Variants in IRF8 observed in about 807,000 individuals in gnomAD.
IRF8 encodes interferon regulatory factor 8.
IRF8 carries 14 observed loss-of-function variants against 48.7 expected under a neutral mutation model. That is an observed-to-expected ratio of 0.29 (90% CI 0.19 to 0.45). IRF8 has a LOEUF of 0.45. Among genes scored for constraint, IRF8 ranks in the 20% least tolerant of loss-of-function variants. The probability of loss-of-function intolerance (pLI) is 1.00; values close to 1 mark genes in which losing one functional copy is unlikely to be tolerated. For missense variants in IRF8, 493 were observed against 580.7 expected (o/e 0.85, Z 1.55); for synonymous variants, 278 against 227.3 (o/e 1.22, Z -2.01).
At chr16:85,914,654 G>C in intron 6 of IRF8, 134 bp downstream of exon 6, 1 of 986,976 alleles carries the variant, frequency 1.0e-6, no homozygotes. Context: ...CCAAGGATGA[G>C]CAGGACCTGG....
rs569033086 is a variant in IRF8 at position 85,904,028 on chromosome 16, C to A, written c.174+839C>A. 7.8e-4 allele frequency among the ~76,000 whole-genome samples: 119 copies of A among 152,320 alleles called. No individual in the cohort carries two copies. In the South Asian group the frequency reaches 0.015, roughly 19 times the overall value. ...CAGGAATTAGGGCAGCCCAGCTCTG[C>A]AGACCAGCTGGGCTATCGAATCCCT... On this transcript the variant is annotated intron_variant, in intron 2 of 8. Coordinates refer to ENST00000268638, the MANE Select transcript of IRF8 (RefSeq NM_002163.4).
intron 5 of IRF8, 49 bp downstream of exon 5, chr16:85,913,285 T>A: frequency 7.5e-7 from 1 of 1,332,248 alleles, no homozygotes; most frequent in Non-Finnish European, 1.1e-6. Flanking sequence ...CTGAAGGGTT[T>A]ACGGCATTCC....
chr16:85,907,884 A>G (rs183811316), intron 2 of IRF8, among the ~76,000 whole-genome samples: 128 of 152,270 alleles, frequency 8.4e-4, no homozygotes, highest in African/African-American at 2.9e-3. Flanking sequence ...GGAAGTGGGT[A>G]CAGCTGGCAT....
chr16:85,918,203 T>G (rs1286687540), intron 6 of IRF8: 3 of 579,330 alleles, frequency 5.2e-6, no homozygotes, highest in Non-Finnish European at 9.0e-6. Context: ...AGTTAATATG[T>G]TCAGTCATTG....
In IRF8 at chr16:85,909,183, C is replaced by T. The variant is rs1317307910; in HGVS notation, c.358+10C>T. 27 of 1,613,132 alleles carry T rather than the reference C, an allele frequency of 1.7e-5. No homozygotes were observed. Among genetic ancestry groups the T allele is most frequent in the Non-Finnish European group, 2.1e-5 (25 of 1,179,360 alleles). ...GAGGAAGAGCAAAAATGTAACTATC[C>T]TTTATGGGCATGAAACCTTCCAGAA... On this transcript the variant is annotated intron_variant, in intron 3 of 8. Transcript: ENST00000268638.
In IRF8 at chr16:85,921,496, T is replaced by G. The variant is rs1905569517; in HGVS notation, c.*214T>G. On this transcript the variant is annotated 3_prime_UTR_variant, in exon 9 of 9. Transcript: ENST00000268638. ...GATGTCGGTGATGGCCTGGATGCTG[T>G]AACCACAACCTGTGGCTAAAAATTT... The G allele has an allele frequency of 5.0e-6, 3 of 601,240 alleles. No homozygotes were observed. Among genetic ancestry groups the G allele is most frequent in the Non-Finnish European group, 8.9e-6 (3 of 337,014 alleles). 37.2% of individuals were successfully genotyped at this position (601,240 alleles called of 1,614,324 possible).
At chr16:85,910,810 C>T (rs440222) in intron 3 of IRF8, among the ~76,000 whole-genome samples, 6,210 of 152,246 alleles carry the variant, frequency 0.041, 428 homozygotes, top group African/African-American at 0.14. Flanking sequence ...TTTAATCTAT[C>T]GAAATGGAAT....
chr16:85,914,510 G>A lies in IRF8; in HGVS notation c.591G>A (p.Ala197=), dbSNP rs1469176664. The A allele has an allele frequency of 3.7e-6, 6 of 1,613,964 alleles. No individual in the cohort carries two copies. Among genetic ancestry groups the A allele is most frequent in the Middle Eastern group, 1.6e-4 (1 of 6,084 alleles). Residue 197 remains alanine, a synonymous_variant, in exon 6 of 9, where the codon GCG becomes GCA. Transcript: ENST00000268638. The part of the protein sequence containing the change: ...PLVTGYTTYD[A]HHSAFSQMVI... Reference sequence around the variant, plus strand: ...TGACGGGGTACACCACCTACGACGCGCACCATTCAGGTACGGGGTGGTCCG... The same window carrying A: ...TGACGGGGTACACCACCTACGACGCACACCATTCAGGTACGGGGTGGTCCG...
At position 85,915,758 on chromosome 16, in the gene IRF8, C is replaced by T. The variant is rs575860225; in HGVS notation, c.601+1238C>T. 3.3e-5 allele frequency among the ~76,000 whole-genome samples: 5 copies of T among 152,190 alleles called. No homozygotes were observed. In the East Asian group the frequency reaches 7.7e-4, roughly 24 times the overall value. ...TGGGAGTCTGCTGACCAGTGCTTTC[C>T]GGGGGCTGTGGAGTAGCCAGGCACA... On this transcript the variant is annotated intron_variant, in intron 6 of 8. Coordinates refer to ENST00000268638, the MANE Select transcript of IRF8 (RefSeq NM_002163.4).
Position 85,921,134 on chromosome 16 carries a change from C to T in IRF8, c.1133C>T (p.Ala378Val). Residue 378 changes from alanine to valine, a missense_variant, in exon 9 of 9, where the codon GCA becomes GTA. Ala to Val is a moderately conservative substitution (Grantham distance 64). Transcript: ENST00000268638. ...QIEQLYVRQL[A>V]EEAGKSCGAG... ...GAGCAGCTGTATGTCCGGCAACTGGCAGAAGAGGCTGGGAAGAGCTGTGGA... is the reference window on the plus strand; with the variant it reads ...GAGCAGCTGTATGTCCGGCAACTGGTAGAAGAGGCTGGGAAGAGCTGTGGA... The T allele has an allele frequency of 1.9e-6, 3 of 1,613,974 alleles. No individual in the cohort carries two copies. The highest frequency in any genetic ancestry group is 2.2e-5 in the East Asian group (1 of 44,890).
rs1327711231 is a variant in IRF8, at chr16:85,913,154, G to A, written c.471G>A (p.Gly157=). Residue 157 remains glycine, a synonymous_variant, in exon 5 of 9, where the codon GGG becomes GGA. Coordinates refer to ENST00000268638, the MANE Select transcript of IRF8 (RefSeq NM_002163.4). ...AGCCTTCTGTGGACGATTACATGGG[G>A]ATGATCAAAAGGAGCCCTTCCCCGC... ...IKEPSVDDYM[G]MIKRSPSPPE... is the part of the protein sequence containing the mutation. 1.2e-6 allele frequency: 2 copies of A among 1,614,128 alleles called. No homozygotes were observed. The highest frequency in any genetic ancestry group is 2.2e-5 in the East Asian group (1 of 44,890).
At position 85,921,235 on chromosome 16, in the gene IRF8, T is replaced by A; in HGVS notation, c.1234T>A (p.Ser412Thr). 6.2e-7 allele frequency: 1 copy of A among 1,614,196 alleles called. No individual in the cohort carries two copies. The highest frequency in any genetic ancestry group is 8.5e-7 in the Non-Finnish European group (1 of 1,180,056). ...VFRMFPDICA[S>T]HQRSFFRENQ... is the part of the protein sequence containing the mutation. ...CCGGATGTTTCCAGATATTTGTGCCTCACACCAGAGATCATTTTTCAGAGA... is the reference window on the plus strand; with the variant it reads ...CCGGATGTTTCCAGATATTTGTGCCACACACCAGAGATCATTTTTCAGAGA... Residue 412 changes from serine (S) to threonine (T), a missense_variant, in exon 9 of 9, where the codon TCA (serine) becomes ACA (threonine). By Grantham distance (58) the Ser-to-Thr change is moderately conservative. Transcript: ENST00000268638.
At chr16:85,902,871 T>A (rs1597248853) in intron 1 of IRF8, 144 bp from the exon 2 acceptor site, 1 of 829,928 alleles carries the variant, frequency 1.2e-6, no homozygotes, top group African/African-American at 1.7e-5. Context: ...ATGGCAGGTG[T>A]CCCGGAGTCC....
intron 6 of IRF8, among the ~76,000 whole-genome samples, chr16:85,917,277 G>T (rs1279781918): frequency 6.6e-6 from 1 of 152,204 alleles, no homozygotes; most frequent in Admixed American, 6.5e-5. Context: ...AACTCACTAA[G>T]CTCATTGCTA....
At chr16:85,919,331 G>A (rs1905451606) in intron 7 of IRF8, among the ~76,000 whole-genome samples, 1 of 152,192 alleles carries the variant, frequency 6.6e-6, no homozygotes, top group East Asian at 1.9e-4. Context: ...ATACCAGCCT[G>A]GGTGTCTCCT....
At chr16:85,913,296 A>T in intron 5 of IRF8, 60 bp downstream of exon 5, 1 of 1,213,630 alleles carries the variant, frequency 8.2e-7, no homozygotes, top group Non-Finnish European at 1.2e-6. Context: ...ACGGCATTCC[A>T]CCAGCCAGGG....
intron 4 of IRF8, 122 bp from the exon 5 acceptor site, chr16:85,913,009 C>A: frequency 1.2e-6 from 1 of 822,762 alleles, no homozygotes; most frequent in Non-Finnish European, 2.1e-6. Context: ...CTTTTGTCTC[C>A]TGAGATAAAG....
intron 7 of IRF8, 73 bp downstream of exon 7, chr16:85,918,876 T>C: frequency 6.3e-7 from 1 of 1,576,878 alleles, no homozygotes; most frequent in Non-Finnish European, 8.6e-7. Context: ...CATTTGCAGC[T>C]CAGGGTGGCC....
chr16:85,920,961 C>T, intron 8 of IRF8, 145 bp from the exon 9 acceptor site: 1 of 823,914 alleles, frequency 1.2e-6, no homozygotes, highest in Non-Finnish European at 2.0e-6. Flanking sequence ...AGGAGTACTG[C>T]TTGCCCTTCC....
Sources: allele counts gnomAD v4.1 joint callset (sites outside exome capture counted in the v4.1 genomes callset), GRCh38; gene constraint gnomAD v4.1.1; transcripts MANE v1.5; gene names NCBI Gene and HGNC (gene_info 2026-07-23, HGNC 2026-07-21).